The following SSH2 variants were observed in gnomAD, a reference collection of about 807,000 sequenced individuals.
SSH2 encodes the protein protein phosphatase Slingshot homolog 2.
Under a neutral mutation model 135.2 loss-of-function variants are expected in SSH2, and 37 were observed. That is an observed-to-expected ratio of 0.27 (90% CI 0.21 to 0.36). The LOEUF (loss-of-function observed/expected upper bound fraction) is 0.36, where lower values mean the gene tolerates loss of function less well. Among genes scored for constraint, SSH2 ranks in the 10% least tolerant of loss-of-function variants. The pLI, the probability that SSH2 is intolerant of heterozygous loss-of-function variation, is 1.00. For synonymous variants in SSH2, 628 were observed against 646.2 expected (o/e 0.97, Z 0.43); for missense variants, 1,408 against 1,765.3 (o/e 0.80, Z 3.63).
chr17:29,714,851 ATTTTTTCTTTCT>A (rs2039561781), intron 3 of SSH2, among the ~76,000 whole-genome samples: 1 of 151,488 alleles, frequency 6.6e-6, no homozygotes, highest in Non-Finnish European at 1.5e-5. Flanking sequence ...TGATTCCTGA[ATTTTTTCTTTCT>A]TTTTTTCTTT....
At chr17:29,872,452 A>C (rs917458380) in intron 1 of SSH2, among the ~76,000 whole-genome samples, 1 of 152,210 alleles carries the variant, frequency 6.6e-6, no homozygotes, top group African/African-American at 2.4e-5. Flanking sequence ...TACAGGAACA[A>C]TAACTAAAGA....
At chr17:29,849,149 G>A (rs899849481) in intron 1 of SSH2, among the ~76,000 whole-genome samples, 6 of 152,308 alleles carry the variant, frequency 3.9e-5, no homozygotes, top group South Asian at 2.1e-4. Context: ...ATGGTTTCCC[G>A]ATTTGGGGAA....
chr17:29,720,523 T>C (rs1204261677), intron 3 of SSH2, among the ~76,000 whole-genome samples: 1 of 152,218 alleles, frequency 6.6e-6, no homozygotes, highest in Non-Finnish European at 1.5e-5. Flanking sequence ...ATGTTGAATC[T>C]CTTTTAAATC....
At chr17:29,786,100 G>T (rs1009564701) in intron 3 of SSH2, among the ~76,000 whole-genome samples, 3 of 152,212 alleles carry the variant, frequency 2.0e-5, no homozygotes, top group Non-Finnish European at 4.4e-5. Flanking sequence ...CGCCGCGCCC[G>T]GCCCTGTTTA....
At chr17:29,738,841 A>G (rs180710163) in intron 3 of SSH2, among the ~76,000 whole-genome samples, 1,655 of 152,278 alleles carry the variant, frequency 0.011, 14 homozygotes, top group Non-Finnish European at 0.018. Flanking sequence ...GGCGTGAGCC[A>G]CCACGCCCGG....
chr17:29,781,478 T>C (rs902979676), intron 3 of SSH2, among the ~76,000 whole-genome samples: 20 of 138,914 alleles, frequency 1.4e-4, no homozygotes, highest in African/African-American at 2.2e-4. Context: ...GTTTTCTTTT[T>C]TTTTTTTTTT....
chr17:29,662,811 T>C (rs919948963), intron 11 of SSH2, among the ~76,000 whole-genome samples: 4 of 152,204 alleles, frequency 2.6e-5, no homozygotes, highest in African/African-American at 9.7e-5. Flanking sequence ...AGGAAACACT[T>C]TCCCAAAAGA....
intron 1 of SSH2, among the ~76,000 whole-genome samples, chr17:29,923,941 T>C (rs529577955): frequency 3.3e-5 from 5 of 152,140 alleles, no homozygotes; most frequent in African/African-American, 9.6e-5. Context: ...CAAAGACTAC[T>C]GAATGCAGTG....
chr17:29,689,105 T>C (rs2038355085), intron 5 of SSH2, among the ~76,000 whole-genome samples: 1 of 151,658 alleles, frequency 6.6e-6, no homozygotes, highest in South Asian at 2.1e-4. Context: ...TTGCAGTAGG[T>C]TGAGATCACG....
intron 1 of SSH2, among the ~76,000 whole-genome samples, chr17:29,899,788 G>T (rs1019089409): frequency 9.2e-5 from 14 of 152,106 alleles, no homozygotes; most frequent in African/African-American, 3.1e-4. Flanking sequence ...CTACTTTAAA[G>T]TTCATGTGGA....
chr17:29,695,903 TG>T lies in SSH2; in HGVS notation c.293-381del, dbSNP rs1017315600. Among the ~76,000 whole-genome samples the T allele has an allele frequency of 4.6e-5, 7 of 152,190 alleles. 1 individual carries two copies. The highest frequency in any genetic ancestry group is 4.6e-4 in the Admixed American group (7 of 15,274). On this transcript the variant is annotated intron_variant, in intron 4 of 15. Coordinates refer to ENST00000540801, the MANE Select transcript of SSH2 (RefSeq NM_001282129.2). The stretch of plus-strand genomic sequence containing the variant: ...GGTAGCAATGAGGGCACTTTGAAAA[TG>T]GGTGTAGTAGTGTAGTGTTAGAGGA...
chr17:29,714,952 C>A (rs923515039), intron 3 of SSH2, among the ~76,000 whole-genome samples: 1 of 152,074 alleles, frequency 6.6e-6, no homozygotes, highest in African/African-American at 2.4e-5. Context: ...CTGCAACCTC[C>A]GCCTCCTGGG....
At chr17:29,731,941 C>A (rs766636732) in intron 3 of SSH2, among the ~76,000 whole-genome samples, 1 of 152,120 alleles carries the variant, frequency 6.6e-6, no homozygotes, top group Non-Finnish European at 1.5e-5. Context: ...CCCACAACCC[C>A]AGTGCTGGTC....
Position 29,690,532 on chromosome 17 carries a change from C to T in SSH2, c.357+4927G>A, listed in dbSNP as rs540459660. Among the ~76,000 whole-genome samples, 6 of 151,970 alleles carry T rather than the reference C, an allele frequency of 3.9e-5. No homozygotes were observed. The South Asian group carries it at 1.3e-3, about 32-fold the overall frequency. On this transcript the variant is annotated intron_variant, in intron 5 of 15. Transcript: ENST00000540801. Reference sequence around the variant, plus strand: ...CCCAGTAAACTACATTATAAAGGCCCAATGTCTAAGACAGGCAGTTCACCC... The same window carrying T: ...CCCAGTAAACTACATTATAAAGGCCTAATGTCTAAGACAGGCAGTTCACCC...
intron 6 of SSH2, among the ~76,000 whole-genome samples, chr17:29,678,167 C>A (rs1054393520): frequency 9.3e-5 from 14 of 150,730 alleles, no homozygotes; most frequent in Non-Finnish European, 7.4e-5. Flanking sequence ...AGTCTCAGCT[C>A]ACTGAAACCT....
intron 9 of SSH2, among the ~76,000 whole-genome samples, chr17:29,670,801 G>C (rs1324838590): frequency 6.6e-6 from 1 of 151,826 alleles, no homozygotes; most frequent in East Asian, 1.9e-4. Flanking sequence ...AAATTACTCT[G>C]TTAAAAAAAA....
chr17:29,663,387 C>T (rs1324551877), intron 11 of SSH2, among the ~76,000 whole-genome samples: 1 of 152,176 alleles, frequency 6.6e-6, no homozygotes, highest in Non-Finnish European at 1.5e-5. Context: ...GCTAGGAAAG[C>T]CAGCAGGGCA....
In SSH2 at chr17:29,901,736, C is replaced by T. The variant is rs190623488; in HGVS notation, c.63+28202G>A. Among the ~76,000 whole-genome samples, 331 of 151,412 alleles carry T rather than the reference C, an allele frequency of 2.2e-3. 4 individuals carry two copies. The highest frequency in any genetic ancestry group is 1.0e-3 in the Non-Finnish European group (68 of 67,772). ...CCTCCTTCCTTTTCTTTCTTTCTCC[C>T]TTCCTTTCTCCCTTCCTTCCTCCCT... On this transcript the variant is annotated intron_variant, in intron 1 of 15. Transcript: ENST00000540801.
intron 2 of SSH2, among the ~76,000 whole-genome samples, chr17:29,840,038 C>T (rs1165518154): frequency 6.6e-6 from 1 of 152,168 alleles, no homozygotes; most frequent in African/African-American, 2.4e-5. Flanking sequence ...GGTCCTTCCC[C>T]TCACCCCACC....
Sources: gnomAD v4.1 joint callset for allele counts (sites outside exome capture counted in the v4.1 genomes callset) on GRCh38, gnomAD v4.1.1 for gene constraint, MANE v1.5 for transcripts, NCBI Gene and HGNC (gene_info 2026-07-23, HGNC 2026-07-21) for gene names.